The following PTPRN2 variants were observed in gnomAD, a reference collection of about 807,000 sequenced individuals.
The protein encoded by PTPRN2 is protein tyrosine phosphatase receptor type N2, also known as receptor-type tyrosine-protein phosphatase N2.
In PTPRN2, 74 loss-of-function variants were observed where a neutral mutation model predicts 118.8. The observed-to-expected ratio is 0.62, with a 90% CI of 0.52 to 0.76. PTPRN2 has a LOEUF of 0.76. Among genes scored for constraint, PTPRN2 ranks in the 30% least tolerant of loss-of-function variants. PTPRN2 has a pLI of 0.00. For synonymous variants in PTPRN2, 641 were observed against 608.0 expected (o/e 1.05, Z -0.80); for missense variants, 1,481 against 1,394.4 (o/e 1.06, Z -0.99).
intron 11 of PTPRN2, among the ~76,000 whole-genome samples, chr7:157,994,680 C>T (rs112692685): frequency 9.9e-5 from 13 of 131,690 alleles, no homozygotes; most frequent in South Asian, 8.6e-4. Context: ...AAATCAACGC[C>T]GCGTCCCCAG....
chr7:158,153,842 G>T (rs917076177), intron 6 of PTPRN2, among the ~76,000 whole-genome samples: 1 of 151,850 alleles, frequency 6.6e-6, no homozygotes, highest in Non-Finnish European at 1.5e-5. Context: ...AGGGGTGGTG[G>T]TCGGGGGGAC....
intron 14 of PTPRN2, among the ~76,000 whole-genome samples, chr7:157,637,813 T>A (rs1204153649): frequency 6.6e-6 from 1 of 152,192 alleles, no homozygotes; most frequent in Non-Finnish European, 1.5e-5. Flanking sequence ...TAGCAGGTCT[T>A]TTCTTAGCAG....
intron 12 of PTPRN2, among the ~76,000 whole-genome samples, chr7:157,805,290 T>TGTGC (rs1491371017): frequency 1.4e-4 from 2 of 14,028 alleles, no homozygotes; most frequent in Non-Finnish European, 2.2e-4. Context: ...TATATACTCC[T>TGTGC]GTGTGTGTGT....
chr7:158,136,640 G>C lies in PTPRN2; in HGVS notation c.1173+15C>G. On this transcript the variant is annotated intron_variant, in intron 8 of 22. Transcript: ENST00000389418. The stretch of plus-strand genomic sequence containing the variant: ...CACATTTAACATGAAACAAACACCA[G>C]AGACGTCATCTTACCTCTTGGTAAA... 1.2e-6 allele frequency: 2 copies of C among 1,610,496 alleles called. No homozygotes were observed. Among genetic ancestry groups the C allele is most frequent in the Non-Finnish European group, 1.7e-6 (2 of 1,176,882 alleles).
intron 6 of PTPRN2, among the ~76,000 whole-genome samples, chr7:158,144,561 C>A (rs1162287933): frequency 6.6e-6 from 1 of 152,134 alleles, no homozygotes; most frequent in Non-Finnish European, 1.5e-5. Context: ...ATTGCTTGAA[C>A]CTTGGGGGTG....
rs151081559 is a variant in PTPRN2 at position 157,990,106 on chromosome 7, C to A, written c.1723+91192G>T. On this transcript the variant is annotated intron_variant, in intron 11 of 22. Transcript: ENST00000389418. This position sits in a 1 kb window ranked among gnomAD's most constrained non-coding sequence, Gnocchi z 4.3. ...AAGAAAAATGCAAGTTGCTCTTCTG[C>A]GCTCCAAATACACCGAGACGAAAAC... Among the ~76,000 whole-genome samples the A allele has an allele frequency of 2.9e-3, 436 of 152,168 alleles. 1 individual carries two copies. The highest frequency in any genetic ancestry group is 1.0e-2 in the African/African-American group (414 of 41,502).
In PTPRN2 at chr7:157,627,180, G is replaced by T. The variant is rs917013969; in HGVS notation, c.2197-5671C>A. Among the ~76,000 whole-genome samples the T allele has an allele frequency of 6.6e-6, 1 of 151,796 alleles. No individual in the cohort carries two copies. The highest frequency in any genetic ancestry group is 2.4e-5 in the African/African-American group (1 of 41,106). Reference sequence around the variant, plus strand: ...GGCACCAGTGTGCACCGCACCTGCAGCTGGGTCTCCTCCGGGGCGTGAGCT... The same window carrying T: ...GGCACCAGTGTGCACCGCACCTGCATCTGGGTCTCCTCCGGGGCGTGAGCT... On this transcript the variant is annotated intron_variant, in intron 14 of 22. Coordinates refer to ENST00000389418, the MANE Select transcript of PTPRN2 (RefSeq NM_002847.5). The surrounding 1 kb of genome is among the most constrained non-coding windows in gnomAD (Gnocchi z 4.2).
chr7:158,516,421 C>T (rs1197671983), intron 1 of PTPRN2, among the ~76,000 whole-genome samples: 2 of 152,258 alleles, frequency 1.3e-5, no homozygotes, highest in Non-Finnish European at 1.5e-5. Context: ...AAGGTGCTTT[C>T]CCCTTGTTCC....
intron 11 of PTPRN2, among the ~76,000 whole-genome samples, chr7:158,017,091 G>A (rs970166719): frequency 3.3e-5 from 5 of 152,178 alleles, no homozygotes; most frequent in South Asian, 2.1e-4. Context: ...GATTAATAAC[G>A]TTAACAAACG....
chr7:158,100,241 T>TGG (rs984242589), intron 10 of PTPRN2, among the ~76,000 whole-genome samples: 9 of 117,574 alleles, frequency 7.7e-5, no homozygotes, highest in Admixed American at 2.0e-4. Context: ...TAGTATTCCA[T>TGG]GGGGTGTGTG....
chr7:157,650,540 C>T (rs989982839), intron 14 of PTPRN2, among the ~76,000 whole-genome samples: 5 of 152,162 alleles, frequency 3.3e-5, no homozygotes, highest in South Asian at 2.1e-4. Context: ...CGCCAGCACC[C>T]GAGCCAGAGC....
chr7:157,946,360 A>C (rs1394335065), intron 11 of PTPRN2, among the ~76,000 whole-genome samples: 1 of 152,226 alleles, frequency 6.6e-6, no homozygotes, highest in Admixed American at 6.5e-5. Flanking sequence ...CAGCAGGAAA[A>C]ATACTGTTTA....
chr7:158,428,564 C>A (rs571383313), intron 2 of PTPRN2, among the ~76,000 whole-genome samples: 1 of 152,152 alleles, frequency 6.6e-6, no homozygotes, highest in African/African-American at 2.4e-5. Context: ...ACTATTCCAC[C>A]GGAATTTTCT....
chr7:158,073,842 A>G (rs1202440447), intron 11 of PTPRN2, among the ~76,000 whole-genome samples: 1 of 152,242 alleles, frequency 6.6e-6, no homozygotes, highest in African/African-American at 2.4e-5. Context: ...GCTTCAACAC[A>G]GCAAAACAGA....
intron 11 of PTPRN2, among the ~76,000 whole-genome samples, chr7:157,933,527 ACT>A (rs1226758252): frequency 1.1e-5 from 1 of 90,110 alleles, no homozygotes; most frequent in African/African-American, 4.4e-5. Flanking sequence ...AGGGTGAGTC[ACT>A]CTGACAGTTT....
intron 19 of PTPRN2, among the ~76,000 whole-genome samples, chr7:157,573,654 A>T (rs1799870011): frequency 6.6e-6 from 1 of 152,254 alleles, no homozygotes; most frequent in African/African-American, 2.4e-5. Flanking sequence ...ATAGCTGGTC[A>T]GCTCCTGCTT....
chr7:158,096,682 C>T (rs1263355095), intron 10 of PTPRN2, among the ~76,000 whole-genome samples: 1 of 152,244 alleles, frequency 6.6e-6, no homozygotes, highest in Non-Finnish European at 1.5e-5. Flanking sequence ...AGACAGGGCA[C>T]TGAAGACGAA....
intron 13 of PTPRN2, among the ~76,000 whole-genome samples, chr7:157,657,667 C>A (rs957307500): frequency 3.2e-5 from 3 of 94,422 alleles, no homozygotes; most frequent in Non-Finnish European, 4.2e-5. Flanking sequence ...CACATACACC[C>A]CACACACACA....
intron 2 of PTPRN2, among the ~76,000 whole-genome samples, chr7:158,336,638 C>G (rs1330141929): frequency 3.7e-4 from 54 of 144,664 alleles, no homozygotes; most frequent in African/African-American, 1.2e-3. Context: ...GCAGACGTCA[C>G]TCACACCCAC....
Sources: allele counts gnomAD v4.1 joint callset (sites outside exome capture counted in the v4.1 genomes callset), GRCh38; gene constraint gnomAD v4.1.1; non-coding constraint Gnocchi (gnomAD v3.1); transcripts MANE v1.5; gene names NCBI Gene and HGNC (gene_info 2026-07-23, HGNC 2026-07-21).